Variants in ZNF559 observed in about 807,000 individuals in gnomAD.
ZNF559 encodes the protein putative protein product of Nbla00121.
A neutral mutation model predicts 14.2 loss-of-function variants in ZNF559; 17 were observed. That is an observed-to-expected ratio of 1.20 (90% CI 0.82 to 1.80). ZNF559 has a LOEUF of 1.80. Among genes scored for constraint, ZNF559 ranks in the 40% most tolerant of loss-of-function variants. The pLI is 0.00. For missense variants in ZNF559, 740 were observed against 629.7 expected, an observed-to-expected ratio of 1.18 and a Z score of -1.88; for synonymous variants, 244 against 212.4, an observed-to-expected ratio of 1.15 and a Z score of -1.29.
At chr19:9,339,863 G>A (rs529596007) in intron 5 of ZNF559, among the ~76,000 whole-genome samples, 4 of 150,658 alleles carry the variant, frequency 2.7e-5, no homozygotes, top group African/African-American at 9.8e-5. Context: ...CCGCCTCCCG[G>A]GTTCACACCA....
Position 9,343,791 on chromosome 19 carries a change from A to AT in ZNF559, c.*724dup, listed in dbSNP as rs2067673279. On this transcript the variant is annotated 3_prime_UTR_variant, in exon 7 of 7. Transcript: ENST00000603380. ...CCATATCAGAATGCTTTTGGTAAAT[A>AT]TACATGTTTTAAAGAGGTTATATAT... 1.0e-6 allele frequency: 1 copy of AT among 985,488 alleles called. No homozygotes were observed. Among genetic ancestry groups the AT allele is most frequent in the South Asian group, 4.7e-5 (1 of 21,304 alleles). 61.0% of individuals were successfully genotyped at this position (985,488 alleles called of 1,614,324 possible). A position where few individuals can be genotyped will look rare whatever the true frequency, so the allele number is the denominator to read the frequency against.
rs118081681 is a variant in ZNF559 at position 9,329,960 on chromosome 19, C to T, written c.-120+5180C>T. ...TACAGGTGTGAGCCACCGTGCCCCACCTGTTTGTTTTAACCATATTCAGCC... is the reference window on the plus strand; with the variant it reads ...TACAGGTGTGAGCCACCGTGCCCCATCTGTTTGTTTTAACCATATTCAGCC... On this transcript the variant is annotated intron_variant, in intron 2 of 6. Transcript: ENST00000603380. Among the ~76,000 whole-genome samples, 256 of 152,296 alleles carry T rather than the reference C, an allele frequency of 1.7e-3. 8 individuals carry two copies. In the East Asian group the frequency reaches 0.043, roughly 26 times the overall value.
rs548026436 is a variant in ZNF559, at chr19:9,343,282, A to G, written c.*214A>G. Reference sequence around the variant, plus strand: ...GCTCCTTCCATAGGCCTTACTATTCATGTGTCTGTGCATCCTAGGAAACAA... The same window carrying G: ...GCTCCTTCCATAGGCCTTACTATTCGTGTGTCTGTGCATCCTAGGAAACAA... On this transcript the variant is annotated 3_prime_UTR_variant, in exon 7 of 7. Coordinates refer to ENST00000603380, the MANE Select transcript of ZNF559 (RefSeq NM_032497.3). The G allele has an allele frequency of 2.9e-5, 40 of 1,359,430 alleles. No homozygotes were observed. Among genetic ancestry groups the G allele is most frequent in the South Asian group, 2.1e-4 (12 of 58,024 alleles). The allele number at this position is 1,359,430 out of a possible 1,614,324, so 84.2% of individuals were successfully genotyped here.
Position 9,344,931 on chromosome 19 carries a change from A to G in ZNF559, c.*1863A>G, listed in dbSNP as rs1327984607. ...AGTTTGGACACATACACATATGTGT[A>G]CATACACACCATCAAGATAATGAAC... On this transcript the variant is annotated 3_prime_UTR_variant, in exon 7 of 7. Transcript: ENST00000603380. 6.6e-6 allele frequency: 1 copy of G among 152,230 alleles called. No individual in the cohort carries two copies. Among genetic ancestry groups the G allele is most frequent in the African/African-American group, 2.4e-5 (1 of 41,460 alleles). The allele number at this position is 152,230 out of a possible 1,614,324, so 9.4% of individuals were successfully genotyped here. A position where few individuals can be genotyped will look rare whatever the true frequency, so the allele number is the denominator to read the frequency against.
chr19:9,329,106 CTTTT>C (rs1168991298), intron 2 of ZNF559, among the ~76,000 whole-genome samples: 2 of 152,002 alleles, frequency 1.3e-5, no homozygotes, highest in African/African-American at 4.8e-5. Context: ...AAGTTTTAAA[CTTTT>C]CTTTATTATT....
At chr19:9,327,984 G>A (rs1003663925) in intron 2 of ZNF559, among the ~76,000 whole-genome samples, 3 of 152,188 alleles carry the variant, frequency 2.0e-5, no homozygotes, top group African/African-American at 7.2e-5. Context: ...ACTAAGGTCT[G>A]TGTGATAGGC....
At chr19:9,330,424 T>C (rs2066876196) in intron 2 of ZNF559, among the ~76,000 whole-genome samples, 1 of 152,188 alleles carries the variant, frequency 6.6e-6, no homozygotes. Context: ...CTCTCTCTGC[T>C]CCCTCTGTAA....
At chr19:9,338,002 G>T (rs1332065911) in intron 3 of ZNF559, 144 bp downstream of exon 3, 20 of 1,535,924 alleles carry the variant, frequency 1.3e-5, no homozygotes, top group Non-Finnish European at 1.7e-5. Context: ...GCTGGCCATT[G>T]GTCTTTCCCT....
intron 2 of ZNF559, among the ~76,000 whole-genome samples, chr19:9,327,817 C>T (rs935799156): frequency 4.6e-5 from 7 of 152,098 alleles, no homozygotes; most frequent in Non-Finnish European, 7.4e-5. Flanking sequence ...CTCAAACTGT[C>T]CCAATTTTGA....
rs1278290114 is a variant in ZNF559 at position 9,343,949 on chromosome 19, T to TA, written c.*885dup. The TA allele has an allele frequency of 2.4e-6, 1 of 411,796 alleles. No individual in the cohort carries two copies. The highest frequency in any genetic ancestry group is 3.3e-6 in the Non-Finnish European group (1 of 306,206). The allele number at this position is 411,796 out of a possible 1,614,324, so 25.5% of individuals were successfully genotyped here. ...GTCACTACTACACTTCCCTAGTCTT[T>TA]AAAACAATTTTAGGCTGGGTGCAGT... On this transcript the variant is annotated 3_prime_UTR_variant, in exon 7 of 7. Transcript: ENST00000603380.
chr19:9,340,116 T>C (rs2067476825), intron 5 of ZNF559, among the ~76,000 whole-genome samples: 1 of 151,928 alleles, frequency 6.6e-6, no homozygotes, highest in South Asian at 2.1e-4. Context: ...CATTCATCTT[T>C]CCCTGAGACC....
intron 2 of ZNF559, among the ~76,000 whole-genome samples, chr19:9,335,890 A>G (rs1200606903): frequency 6.6e-6 from 1 of 152,248 alleles, no homozygotes; most frequent in Non-Finnish European, 1.5e-5. Flanking sequence ...AGATAAACGT[A>G]ATAGTTAAGC....
intron 3 of ZNF559, 38 bp from the exon 4 acceptor site, chr19:9,338,453 TCAG>T: frequency 6.6e-7 from 1 of 1,505,242 alleles, no homozygotes; most frequent in Non-Finnish European, 9.2e-7. Flanking sequence ...ATGGAAGCTA[TCAG>T]CAGCCTGGAT....
At chr19:9,330,880 G>C (rs1216344337) in intron 2 of ZNF559, among the ~76,000 whole-genome samples, 1 of 152,136 alleles carries the variant, frequency 6.6e-6, no homozygotes, top group Non-Finnish European at 1.5e-5. Context: ...TTGTAGGTTT[G>C]CTTTGCTGTC....
chr19:9,335,314 A>G (rs1294947425), intron 2 of ZNF559, among the ~76,000 whole-genome samples: 1 of 151,870 alleles, frequency 6.6e-6, no homozygotes, highest in Non-Finnish European at 1.5e-5. Flanking sequence ...AAAATTTTTA[A>G]TTGGCCGGGT....
At chr19:9,324,326 G>C in intron 1 of ZNF559, 98 bp downstream of exon 1, 2 of 1,530,960 alleles carry the variant, frequency 1.3e-6, no homozygotes, top group Non-Finnish European at 1.7e-6. Flanking sequence ...AATGGAGCCT[G>C]TCCCGTGCAC....
intron 2 of ZNF559, among the ~76,000 whole-genome samples, chr19:9,337,083 C>T (rs2067279229): frequency 6.6e-6 from 1 of 152,156 alleles, no homozygotes; most frequent in South Asian, 2.1e-4. Context: ...GTGTAGTATT[C>T]CTGCAAACTG....
Position 9,343,205 on chromosome 19 carries a change from A to G in ZNF559, c.*137A>G. On this transcript the variant is annotated 3_prime_UTR_variant, in exon 7 of 7. Transcript: ENST00000603380. Reference sequence around the variant, plus strand: ...CTTCCTTGGTGTCTCAGATCTTAACAATTCCAATAGAAGAGAAGACATATG... The same window carrying G: ...CTTCCTTGGTGTCTCAGATCTTAACGATTCCAATAGAAGAGAAGACATATG... 6.8e-7 allele frequency: 1 copy of G among 1,478,540 alleles called. No individual in the cohort carries two copies. The highest frequency in any genetic ancestry group is 8.9e-7 in the Non-Finnish European group (1 of 1,123,108). The allele number at this position is 1,478,540 out of a possible 1,614,324, so 91.6% of individuals were successfully genotyped here. A position where few individuals can be genotyped will look rare whatever the true frequency, so the allele number is the denominator to read the frequency against.
Position 9,342,967 on chromosome 19 carries a change from A to G in ZNF559, c.1516A>G (p.Thr506Ala). The G allele has an allele frequency of 6.2e-7, 1 of 1,614,208 alleles. No homozygotes were observed. The highest frequency in any genetic ancestry group is 8.5e-7 in the Non-Finnish European group (1 of 1,180,026). The change falls in exon 7 of 7, where the codon ACA (threonine) becomes GCA (alanine). Residue 506 changes from threonine (T) to alanine (A), a missense_variant. By Grantham distance (58) the Thr-to-Ala change is moderately conservative. Coordinates refer to ENST00000603380, the MANE Select transcript of ZNF559 (RefSeq NM_032497.3). ...ATGTGGGAAAGCCTTTACTCGGTCC[A>G]CATATCTTATTCGACATCTAAGAAG... ...QECGKAFTRSTYLIRHLRSHS... is the reference protein window; with the variant it reads ...QECGKAFTRSAYLIRHLRSHS...
Sources: allele counts gnomAD v4.1 joint callset (sites outside exome capture counted in the v4.1 genomes callset), GRCh38; gene constraint gnomAD v4.1.1; transcripts MANE v1.5; gene names NCBI Gene and HGNC (gene_info 2026-07-23, HGNC 2026-07-21).